COL22A1: variants seen among roughly 807,000 people sequenced by gnomAD.
COL22A1 encodes the protein collagen type XXII alpha 1 chain.
COL22A1 carries 221 observed loss-of-function variants against 248.9 expected under a neutral mutation model. That is an observed-to-expected ratio of 0.89 (90% CI 0.80 to 0.99). The LOEUF is 0.99. Ranked by LOEUF, COL22A1 falls within the 50% of genes least tolerant of loss-of-function variation. The probability of loss-of-function intolerance (pLI) is 0.00; values close to 1 mark genes in which losing one functional copy is unlikely to be tolerated. For missense variants in COL22A1, 2,240 were observed against 2,179.0 expected, an observed-to-expected ratio of 1.03 and a Z score of -0.56; for synonymous variants, 891 against 793.4, an observed-to-expected ratio of 1.12 and a Z score of -2.07.
At chr8:138,789,535 A>G (rs757827173) in intron 12 of COL22A1, among the ~76,000 whole-genome samples, 2 of 152,244 alleles carry the variant, frequency 1.3e-5, no homozygotes, top group African/African-American at 2.4e-5. Flanking sequence ...TCACAAATAT[A>G]AAGACAAATG....
intron 1 of COL22A1, among the ~76,000 whole-genome samples, chr8:138,886,669 T>C (rs1824689194): frequency 6.6e-6 from 1 of 152,052 alleles, no homozygotes; most frequent in South Asian, 2.1e-4. Flanking sequence ...TAGAAAAGAG[T>C]ATTAAGAGCC....
intron 55 of COL22A1, among the ~76,000 whole-genome samples, chr8:138,615,174 A>G (rs76939488): frequency 1.3e-3 from 193 of 152,328 alleles, no homozygotes; most frequent in African/African-American, 4.4e-3. Flanking sequence ...CTGGGTGACC[A>G]TAAGTCAGTC....
intron 27 of COL22A1, among the ~76,000 whole-genome samples, chr8:138,720,158 G>A (rs1305921668): frequency 6.6e-6 from 1 of 152,132 alleles, no homozygotes; most frequent in Non-Finnish European, 1.5e-5. Flanking sequence ...ATGCTGGGAA[G>A]CCTCCATTTC....
intron 43 of COL22A1, among the ~76,000 whole-genome samples, chr8:138,660,964 G>A (rs368324453): frequency 1.2e-3 from 148 of 123,016 alleles, no homozygotes; most frequent in African/African-American, 3.9e-3. Flanking sequence ...AGACACACAC[G>A]CACACACACA....
Position 138,607,939 on chromosome 8 carries a change from G to C in COL22A1, c.4029C>G (p.Thr1343=), listed in dbSNP as rs763735782. ...ATAGCAGCCAAAGAGAACTCACAGG[G>C]GTTCCTGAAGGGCCAGGCTCTCCTG... The part of the protein sequence containing the change: ...GSPGEPGPSG[T]PGQKGSKGEN... Residue 1343 remains threonine (T), a synonymous_variant, in exon 57 of 65, where the codon ACC becomes ACG. Coordinates refer to ENST00000303045, the MANE Select transcript of COL22A1 (RefSeq NM_152888.3). 1.9e-6 allele frequency: 3 copies of C among 1,613,982 alleles called. No individual in the cohort carries two copies. The South Asian group carries it at 3.3e-5, about 18-fold the overall frequency.
chr8:138,770,381 C>T (rs919348333), intron 16 of COL22A1, among the ~76,000 whole-genome samples: 3 of 152,250 alleles, frequency 2.0e-5, no homozygotes, highest in African/African-American at 7.2e-5. Context: ...GCTCCGCCAC[C>T]TGGACCTCCT....
chr8:138,691,666 G>T (rs1002532660), intron 35 of COL22A1, among the ~76,000 whole-genome samples: 1 of 147,982 alleles, frequency 6.8e-6, no homozygotes, highest in Non-Finnish European at 1.5e-5. Context: ...TGTTTGTGGG[G>T]GTGTGTATAT....
chr8:138,771,977 G>A (rs1398174019), intron 16 of COL22A1, among the ~76,000 whole-genome samples: 1 of 152,226 alleles, frequency 6.6e-6, no homozygotes. Flanking sequence ...TGCTGTGGAC[G>A]CTCAGTGAGT....
intron 12 of COL22A1, among the ~76,000 whole-genome samples, chr8:138,796,042 G>A (rs1206240017): frequency 6.6e-6 from 1 of 152,102 alleles, no homozygotes; most frequent in Non-Finnish European, 1.5e-5. Flanking sequence ...AAAGTCTTGT[G>A]GCTGCCTCTC....
intron 18 of COL22A1, among the ~76,000 whole-genome samples, chr8:138,756,639 C>G (rs1234870882): frequency 6.6e-6 from 1 of 152,066 alleles, no homozygotes; most frequent in Non-Finnish European, 1.5e-5. Context: ...GTTAATGAAG[C>G]TAGTAAATGA....
At chr8:138,617,823 C>T (rs1819460198) in intron 53 of COL22A1, among the ~76,000 whole-genome samples, 1 of 152,178 alleles carries the variant, frequency 6.6e-6, no homozygotes, top group Admixed American at 6.5e-5. Flanking sequence ...ACTCAGTTTC[C>T]ACATCTGTAA....
intron 46 of COL22A1, 70 bp downstream of exon 46, chr8:138,649,595 C>A: frequency 1.9e-6 from 3 of 1,553,412 alleles, no homozygotes; most frequent in Non-Finnish European, 1.7e-6. Context: ...GCAGATGGGG[C>A]AATACTGAGA....
At chr8:138,672,517 C>T (rs1352497470) in intron 41 of COL22A1, among the ~76,000 whole-genome samples, 1 of 152,148 alleles carries the variant, frequency 6.6e-6, no homozygotes, top group Non-Finnish European at 1.5e-5. Flanking sequence ...GGCTAGAAGG[C>T]CCACTGGAGG....
chr8:138,799,729 C>T (rs560298946), intron 11 of COL22A1, among the ~76,000 whole-genome samples: 34 of 152,314 alleles, frequency 2.2e-4, no homozygotes, highest in African/African-American at 7.9e-4. Flanking sequence ...GATCCCTTTA[C>T]TATTTTCTGC....
At chr8:138,820,180 A>C (rs34939101) in intron 7 of COL22A1, among the ~76,000 whole-genome samples, 30,128 of 152,160 alleles carry the variant, frequency 0.2, 3,254 homozygotes, top group South Asian at 0.27. Flanking sequence ...TAAACTTCCA[A>C]GAATCTATCC....
chr8:138,817,261 G>A (rs982012235), intron 7 of COL22A1, among the ~76,000 whole-genome samples: 1 of 152,204 alleles, frequency 6.6e-6, no homozygotes, highest in Non-Finnish European at 1.5e-5. Flanking sequence ...TTACCACTGT[G>A]AGCATCTGCA....
At chr8:138,624,032 T>C (rs1171238685) in intron 51 of COL22A1, among the ~76,000 whole-genome samples, 1 of 152,164 alleles carries the variant, frequency 6.6e-6, no homozygotes, top group East Asian at 1.9e-4. Context: ...CATTTTGTAA[T>C]AGCATTATTA....
At chr8:138,911,189 T>A (rs1052525803) in intron 1 of COL22A1, among the ~76,000 whole-genome samples, 1 of 152,204 alleles carries the variant, frequency 6.6e-6, no homozygotes, top group East Asian at 1.9e-4. Context: ...GTCTTCCAAC[T>A]GAACTGGACT....
At chr8:138,737,352 G>A (rs1479751585) in intron 23 of COL22A1, among the ~76,000 whole-genome samples, 172 bp downstream of exon 23, 1 of 152,148 alleles carries the variant, frequency 6.6e-6, no homozygotes, top group African/African-American at 2.4e-5. Context: ...CTCCCACACA[G>A]GACAGCACAG....
Sources: gnomAD v4.1 joint callset for allele counts (sites outside exome capture counted in the v4.1 genomes callset) on GRCh38, gnomAD v4.1.1 for gene constraint, MANE v1.5 for transcripts, NCBI Gene and HGNC (gene_info 2026-07-23, HGNC 2026-07-21) for gene names.